Variants in EPCAM observed in about 807,000 individuals in gnomAD.
The protein encoded by EPCAM is epithelial cell adhesion molecule, also known as adenocarcinoma-associated antigen.
In EPCAM, 39 loss-of-function variants were observed where a neutral mutation model predicts 40.0. That is an observed-to-expected ratio of 0.98 (90% confidence interval 0.76 to 1.27). EPCAM has a LOEUF of 1.27. EPCAM is among the 50% of genes most tolerant of loss of function. The pLI is 0.00. For missense variants in EPCAM, 503 were observed against 381.2 expected, an observed-to-expected ratio of 1.32 and a Z score of -2.66; for synonymous variants, 168 against 132.3, an observed-to-expected ratio of 1.27 and a Z score of -1.85.
chr2:47,385,075 A>G, intron 7 of EPCAM, 91 bp from the exon 8 acceptor site: 2 of 998,468 alleles, frequency 2.0e-6, no homozygotes, highest in South Asian at 2.6e-5. Flanking sequence ...TTTCAGATCA[A>G]AATTATGTCC....
chr2:47,386,171 G>C (rs1374292137), intron 8 of EPCAM, among the ~76,000 whole-genome samples: 3 of 152,126 alleles, frequency 2.0e-5, no homozygotes, highest in Non-Finnish European at 4.4e-5. Flanking sequence ...CATTGTCTCA[G>C]TTTGCCTGTA....
rs759655916 is a variant in EPCAM, at chr2:47,374,056, G to C, written c.425+8G>C. ...TGAGCGAGTGAGAACCTAGTGAGTG[G>C]GGCTGCCTATACTACTTGTTTTCAT... On this transcript the variant is annotated splice_region_variant and intron_variant, in intron 3 of 8. Coordinates refer to ENST00000263735, the MANE Select transcript of EPCAM (RefSeq NM_002354.3). 1 of 1,614,002 alleles carries C rather than the reference G, an allele frequency of 6.2e-7. No homozygotes were observed. Among genetic ancestry groups the C allele is most frequent in the Non-Finnish European group, 8.5e-7 (1 of 1,179,966 alleles).
In EPCAM at chr2:47,378,985, T is replaced by A. The variant is rs1175377699; in HGVS notation, c.588T>A (p.Val196=). 1 of 1,596,814 alleles carries A rather than the reference T, an allele frequency of 6.3e-7. No homozygotes were observed. Among genetic ancestry groups the A allele is most frequent in the Non-Finnish European group, 8.6e-7 (1 of 1,164,408 alleles). The change falls in exon 6 of 9, where the codon GTT becomes GTA. Residue 196 remains valine, a synonymous_variant. Transcript: ENST00000263735. ...YENNVITIDL[V]QNSSQKTQND... ...ATAATGTTATCACTATTGATCTGGT[T>A]CAAAATTCTTCTCAAAAAACTCAGA...
intron 6 of EPCAM, 116 bp from the exon 7 acceptor site, chr2:47,379,653 A>G: frequency 8.3e-7 from 1 of 1,210,270 alleles, no homozygotes; most frequent in Non-Finnish European, 1.2e-6. Flanking sequence ...TGTTATCACT[A>G]AAACCATAAA....
chr2:47,370,724 TTTATTA>T (rs140671324), intron 1 of EPCAM, among the ~76,000 whole-genome samples: 9 of 151,556 alleles, frequency 5.9e-5, no homozygotes, highest in Admixed American at 2.0e-4. Flanking sequence ...GTATTTATTA[TTTATTA>T]TTATTATTAT....
At position 47,373,884 on chromosome 2, in the gene EPCAM, C is replaced by G. The variant is rs750711980; in HGVS notation, c.261C>G (p.Ala87=). The change falls in exon 3 of 9, where the codon GCC becomes GCG. Residue 87 remains alanine, a synonymous_variant. Transcript: ENST00000263735. Reference sequence around the variant, plus strand: ...GGAGAAGAGCAAAACCTGAAGGGGCCCTCCAGAACAATGATGGGCTTTATG... The same window carrying G: ...GGAGAAGAGCAAAACCTGAAGGGGCGCTCCAGAACAATGATGGGCTTTATG... The part of the protein sequence containing the change: ...KLGRRAKPEG[A]LQNNDGLYDP... The G allele has an allele frequency of 1.2e-6, 2 of 1,613,892 alleles. No homozygotes were observed. The highest frequency in any genetic ancestry group is 2.2e-5 in the East Asian group (1 of 44,898).
At chr2:47,386,305 A>T (rs927173106) in intron 8 of EPCAM, among the ~76,000 whole-genome samples, 2 of 152,210 alleles carry the variant, frequency 1.3e-5, no homozygotes, top group African/African-American at 4.8e-5. Flanking sequence ...TGCATTTAAT[A>T]AAAATCTTAT....
chr2:47,378,492 G>A (rs1248673274), intron 5 of EPCAM, among the ~76,000 whole-genome samples: 10 of 151,728 alleles, frequency 6.6e-5, no homozygotes, highest in Admixed American at 6.6e-4. Context: ...AGTAGAGATG[G>A]GGTTTCTCCA....
chr2:47,384,038 TTTTG>T (rs764089805), intron 7 of EPCAM, among the ~76,000 whole-genome samples: 25 of 152,082 alleles, frequency 1.6e-4, no homozygotes, highest in Non-Finnish European at 2.6e-4. Context: ...TGATTTTGAT[TTTTG>T]TTTGTTTGTT....
intron 1 of EPCAM, among the ~76,000 whole-genome samples, chr2:47,370,680 C>T (rs536908919): frequency 5.9e-5 from 9 of 152,210 alleles, no homozygotes; most frequent in African/African-American, 2.2e-4. Flanking sequence ...TCAGACCATC[C>T]TTCTGCGTCA....
Position 47,369,382 on chromosome 2 carries a change from G to A in EPCAM, c.-124G>A. 8.3e-7 allele frequency: 1 copy of A among 1,200,452 alleles called. No individual in the cohort carries two copies. The highest frequency in any genetic ancestry group is 3.2e-5 in the East Asian group (1 of 31,638). 74.4% of individuals were successfully genotyped at this position (1,200,452 alleles called of 1,614,324 possible). On this transcript the variant is annotated 5_prime_UTR_variant, in exon 1 of 9. Transcript: ENST00000263735. ...GGGACCCCCTCGTCGCTGTCCTCCC[G>A]ACGCGGACCCGCGTGCCCCAGGCCT...
In EPCAM at chr2:47,380,464, A is replaced by C. The variant is rs552358185; in HGVS notation, c.858+495A>C. Among the ~76,000 whole-genome samples the C allele has an allele frequency of 1.5e-3, 234 of 152,348 alleles. 2 individuals carry two copies. The highest frequency in any genetic ancestry group is 5.3e-3 in the African/African-American group (220 of 41,578). On this transcript the variant is annotated intron_variant, in intron 7 of 8. Transcript: ENST00000263735. ...TTTTACAAAAGTCATTTTATGAAGC[A>C]AGAAAGGATGCTAATATTAAAAAGC...
At position 47,379,041 on chromosome 2, in the gene EPCAM, A is replaced by C. The variant is rs1434809416; in HGVS notation, c.644A>C (p.Tyr215Ser). ...GTGGACATAGCTGATGTGGCTTATT[A>C]TTTTGAAAAAGATGTGAGTATCATC... ...NDVDIADVAY[Y>S]FEKDVKGESL... The change falls in exon 6 of 9, where the codon TAT (tyrosine) becomes TCT (serine). Residue 215 changes from tyrosine (Y) to serine (S), a missense_variant. By Grantham distance (144) the Tyr-to-Ser change is moderately radical (BLOSUM62 -2). Transcript: ENST00000263735. The C allele has an allele frequency of 6.4e-7, 1 of 1,572,378 alleles. No homozygotes were observed.
At chr2:47,370,658 C>T (rs1036890172) in intron 1 of EPCAM, among the ~76,000 whole-genome samples, 4 of 152,044 alleles carry the variant, frequency 2.6e-5, no homozygotes, top group East Asian at 1.9e-4. Context: ...TTGTAGACTA[C>T]GCCTCCCGGC....
Position 47,383,424 on chromosome 2 carries a change from C to T in EPCAM, c.859-1742C>T, listed in dbSNP as rs367848645. 4 of 150,064 alleles carry T rather than the reference C, an allele frequency of 2.7e-5. No homozygotes were observed. In the East Asian group the frequency reaches 6.1e-4, roughly 23 times the overall value. 9.3% of individuals were successfully genotyped at this position (150,064 alleles called of 1,614,324 possible). ...GTTCAATTGATTCTCCTGCCTCACCCTCCCGAGTAGCCGGGACTACATGCA... is the reference window on the plus strand; with the variant it reads ...GTTCAATTGATTCTCCTGCCTCACCTTCCCGAGTAGCCGGGACTACATGCA... On this transcript the variant is annotated intron_variant, in intron 7 of 8. Transcript: ENST00000263735.
At chr2:47,379,137 T>TA (rs1671507965) in intron 6 of EPCAM, 83 bp downstream of exon 6, 2 of 833,828 alleles carry the variant, frequency 2.4e-6, no homozygotes, top group Admixed American at 3.6e-5. Flanking sequence ...ATCACCTTTT[T>TA]ATCCACTTAC....
At chr2:47,375,952 C>G (rs1573395760) in intron 4 of EPCAM, among the ~76,000 whole-genome samples, 1 of 152,070 alleles carries the variant, frequency 6.6e-6, no homozygotes, top group Admixed American at 6.6e-5. Context: ...GATCCTCCCG[C>G]CTCTGCCTCC....
Position 47,369,921 on chromosome 2 carries a change from C to T in EPCAM, c.76+340C>T, listed in dbSNP as rs532962286. The T allele has an allele frequency of 2.1e-5, 9 of 424,642 alleles. No individual in the cohort carries two copies. In the East Asian group the frequency reaches 3.9e-4, roughly 19 times the overall value. 26.3% of individuals were successfully genotyped at this position (424,642 alleles called of 1,614,324 possible). A position where few individuals can be genotyped will look rare whatever the true frequency, so the allele number is the denominator to read the frequency against. ...CCTCGCGCCCTGGCGCACCCACGTC[C>T]TCGGTTCGGGGTGGACTTGGGGTTC... On this transcript the variant is annotated intron_variant, in intron 1 of 8. Transcript: ENST00000263735.
rs1291784517 is a variant in EPCAM, at chr2:47,369,462, G to C, written c.-44G>C. The C allele has an allele frequency of 1.4e-6, 2 of 1,433,290 alleles. No individual in the cohort carries two copies. Among genetic ancestry groups the C allele is most frequent in the Admixed American group, 2.4e-5 (1 of 41,720 alleles). 88.8% of individuals were successfully genotyped at this position (1,433,290 alleles called of 1,614,324 possible). A position where few individuals can be genotyped will look rare whatever the true frequency, so the allele number is the denominator to read the frequency against. ...ACTCCCGGCGCACGCCCTCCCGCGA[G>C]TCCCGGGCCCCTCCCGCGCCCCTCT... is the stretch of plus-strand genomic sequence containing the variant. On this transcript the variant is annotated 5_prime_UTR_variant, in exon 1 of 9. Transcript: ENST00000263735.
Sources: gnomAD v4.1 joint callset for allele counts (sites outside exome capture counted in the v4.1 genomes callset) on GRCh38, gnomAD v4.1.1 for gene constraint, MANE v1.5 for transcripts, NCBI Gene and HGNC (gene_info 2026-07-23, HGNC 2026-07-21) for gene names.